The following H1-5 variants were observed in gnomAD, a reference collection of about 807,000 sequenced individuals.
H1-5 encodes the protein H1.5 linker histone, cluster member, also known as histone H1.5.
In H1-5, 3 loss-of-function variants were observed where a neutral mutation model predicts 4.6. The observed-to-expected ratio is 0.65, with a 90% CI of 0.30 to 1.68. H1-5 has a LOEUF of 1.68. H1-5 is among the 40% of genes most tolerant of loss of function. The pLI is 0.10. For synonymous variants in H1-5, 250 were observed against 123.4 expected (o/e 2.03, Z -6.80); for missense variants, 521 against 287.9 (o/e 1.81, Z -5.86).
Position 27,867,047 on chromosome 6 carries a change from C to T in H1-5, c.483G>A (p.Lys161=), listed in dbSNP as rs763089363. The T allele has an allele frequency of 1.2e-6, 2 of 1,613,884 alleles. No homozygotes were observed. The highest frequency in any genetic ancestry group is 1.7e-6 in the Non-Finnish European group (2 of 1,179,984). ...AVKKTPKKAK[K]PAAAGVKKVA... ...CCTTTTTGACGCCAGCCGCCGCGGGCTTCTTCGCCTTCTTCGGAGTCTTCT... is the reference window on the plus strand; with the variant it reads ...CCTTTTTGACGCCAGCCGCCGCGGGTTTCTTCGCCTTCTTCGGAGTCTTCT... Residue 161 remains lysine (K), a synonymous_variant, in exon 1 of 1, where the codon AAG becomes AAA. Transcript: ENST00000331442.
Position 27,866,996 on chromosome 6 carries a change from C to G in H1-5, c.534G>C (p.Lys178Asn). The G allele has an allele frequency of 6.2e-7, 1 of 1,614,214 alleles. No homozygotes were observed. The highest frequency in any genetic ancestry group is 8.5e-7 in the Non-Finnish European group (1 of 1,180,046). ...KKVAKSPKKAKAAAKPKKATK... is the reference protein window; with the variant it reads ...KKVAKSPKKANAAAKPKKATK... ...TTGCCTTTTTCGGTTTGGCAGCGGC[C>G]TTGGCCTTCTTAGGGCTCTTCGCCA... is the stretch of plus-strand genomic sequence containing the variant. Residue 178 changes from lysine (K) to asparagine (N), a missense_variant, in exon 1 of 1, where the codon AAG (lysine) becomes AAC (asparagine). Physicochemically the swap from Lys to Asn is moderately conservative, Grantham distance 94. Coordinates refer to ENST00000331442, the MANE Select transcript of H1-5 (RefSeq NM_005322.3).
rs535793643 is a variant in H1-5, at chr6:27,866,906, G to A, written c.624C>T (p.Pro208=). The change falls in exon 1 of 1, where the codon CCC becomes CCT. Residue 208 remains proline (P), a synonymous_variant. Coordinates refer to ENST00000331442, the MANE Select transcript of H1-5 (RefSeq NM_005322.3). ...TTGCAGCTTTAGGTTTTGCTGCTTT[G>A]GGCTTAGCGGCTTTGGGCTTTGCCG... ...PKAAKPKAAK[P]KAAKPKAAKA... is the part of the protein sequence containing the mutation. 6.2e-7 allele frequency: 1 copy of A among 1,612,460 alleles called. No homozygotes were observed. Among genetic ancestry groups the A allele is most frequent in the East Asian group, 2.2e-5 (1 of 44,864 alleles).
Position 27,866,908 on chromosome 6 carries a change from G to T in H1-5, c.622C>A (p.Pro208Thr). The change falls in exon 1 of 1, where the codon CCC becomes ACC. Residue 208 changes from proline (P) to threonine (T), a missense_variant. Transcript: ENST00000331442. ...GCAGCTTTAGGTTTTGCTGCTTTGG[G>T]CTTAGCGGCTTTGGGCTTTGCCGCC... ...PKAAKPKAAK[P>T]KAAKPKAAKA... 1 of 1,613,034 alleles carries T rather than the reference G, an allele frequency of 6.2e-7. No homozygotes were observed. Among genetic ancestry groups the T allele is most frequent in the African/African-American group, 1.3e-5 (1 of 74,862 alleles).
Position 27,866,873 on chromosome 6 carries a change from C to T in H1-5, c.657G>A (p.Lys219=), listed in dbSNP as rs776382299. 1.3e-6 allele frequency: 2 copies of T among 1,599,078 alleles called. No individual in the cohort carries two copies. The highest frequency in any genetic ancestry group is 1.7e-6 in the Non-Finnish European group (2 of 1,175,994). Residue 219 remains lysine (K), a synonymous_variant, in exon 1 of 1, where the codon AAG becomes AAA. Coordinates refer to ENST00000331442, the MANE Select transcript of H1-5 (RefSeq NM_005322.3). Reference sequence around the variant, plus strand: ...CCTACTTCTTTTTGGCAGCCGCCTTCTTGGCCTTTGCAGCTTTAGGTTTTG... The same window carrying T: ...CCTACTTCTTTTTGGCAGCCGCCTTTTTGGCCTTTGCAGCTTTAGGTTTTG... ...KAAKPKAAKA[K]KAAAKKK
Position 27,867,443 on chromosome 6 carries a change from G to T in H1-5, c.87C>A (p.Ala29=). The change falls in exon 1 of 1, where the codon GCC becomes GCA. Residue 29 remains alanine, a synonymous_variant. Transcript: ENST00000331442. ...PAKKKATKKA[A]GAGAAKRKAT... ...CTTTGCGCTTAGCAGCGCCGGCGCC[G>T]GCAGCCTTCTTAGTTGCCTTCTTCT... 6.2e-7 allele frequency: 1 copy of T among 1,609,294 alleles called. No individual in the cohort carries two copies. Among genetic ancestry groups the T allele is most frequent in the Non-Finnish European group, 8.5e-7 (1 of 1,177,904 alleles).
At position 27,867,315 on chromosome 6, in the gene H1-5, C is replaced by A; in HGVS notation, c.215G>T (p.Gly72Val). The change falls in exon 1 of 1, where the codon GGT becomes GTT. Residue 72 changes from glycine (G) to valine (V), a missense_variant. Coordinates refer to ENST00000331442, the MANE Select transcript of H1-5 (RefSeq NM_005322.3). ...GTTATTCTTCTCCACGTCGTAGCCA[C>A]CGGCCGCTAAGGCCTTCTTAAGGGC... ...LAALKKALAA[G>V]GYDVEKNNSR... 6.2e-7 allele frequency: 1 copy of A among 1,614,262 alleles called. No individual in the cohort carries two copies. The highest frequency in any genetic ancestry group is 8.5e-7 in the Non-Finnish European group (1 of 1,180,056).
In H1-5 at chr6:27,867,546, T is replaced by C. The variant is rs776951241; in HGVS notation, c.-17A>G. 3 of 1,527,696 alleles carry C rather than the reference T, an allele frequency of 2.0e-6. No homozygotes were observed. Among genetic ancestry groups the C allele is most frequent in the African/African-American group, 1.4e-5 (1 of 71,802 alleles). The allele number at this position is 1,527,696 out of a possible 1,614,324, so 94.6% of individuals were successfully genotyped here. On this transcript the variant is annotated 5_prime_UTR_variant, in exon 1 of 1. Transcript: ENST00000331442. ...TTCCGACATGGTGGCAAGAAACTGC[T>C]AGAAGAGAATAAGCTCGAAATCTAA...
chr6:27,866,883 G>A lies in H1-5; in HGVS notation c.647C>T (p.Ala216Val), dbSNP rs557184683. ...AKPKAAKPKA[A>V]KAKKAAAKKK ...TTTGGCAGCCGCCTTCTTGGCCTTT[G>A]CAGCTTTAGGTTTTGCTGCTTTGGG... Residue 216 changes from alanine to valine, a missense_variant, in exon 1 of 1, where the codon GCA (alanine) becomes GTA (valine). Coordinates refer to ENST00000331442, the MANE Select transcript of H1-5 (RefSeq NM_005322.3). The A allele has an allele frequency of 1.2e-6, 2 of 1,600,934 alleles. No individual in the cohort carries two copies. The highest frequency in any genetic ancestry group is 8.5e-7 in the Non-Finnish European group (1 of 1,176,532).
At position 27,867,121 on chromosome 6, in the gene H1-5, C is replaced by T. The variant is rs773541479; in HGVS notation, c.409G>A (p.Ala137Thr). Residue 137 changes from alanine to threonine, a missense_variant, in exon 1 of 1, where the codon GCC becomes ACC. By Grantham distance (58) the Ala-to-Thr change is moderately conservative. Coordinates refer to ENST00000331442, the MANE Select transcript of H1-5 (RefSeq NM_005322.3). ...GCCTTCTTGGCCTTCTTAGGCGTGG[C>T]CCCCGCGGGCTTCTTAGCTTTAGCG... ...GAAKAKKPAG[A>T]TPKKAKKAAG... 4.1e-5 allele frequency: 66 copies of T among 1,613,894 alleles called. No homozygotes were observed. Among genetic ancestry groups the T allele is most frequent in the South Asian group, 7.7e-5 (7 of 91,084 alleles).
Position 27,867,565 on chromosome 6 carries a change from A to T in H1-5, c.-36T>A. ...AACTGCTAGAAGAGAATAAGCTCGAAATCTAAAGAGCAGGTTTTGCGTTGC... is the reference window on the plus strand; with the variant it reads ...AACTGCTAGAAGAGAATAAGCTCGATATCTAAAGAGCAGGTTTTGCGTTGC... On this transcript the variant is annotated 5_prime_UTR_variant, in exon 1 of 1. Transcript: ENST00000331442. 6.6e-7 allele frequency: 1 copy of T among 1,512,430 alleles called. No individual in the cohort carries two copies. The highest frequency in any genetic ancestry group is 8.8e-7 in the Non-Finnish European group (1 of 1,131,620). The allele number at this position is 1,512,430 out of a possible 1,614,324, so 93.7% of individuals were successfully genotyped here.
chr6:27,866,972 T>C lies in H1-5; in HGVS notation c.558A>G (p.Ala186=). The C allele has an allele frequency of 6.2e-7, 1 of 1,614,244 alleles. No homozygotes were observed. Among genetic ancestry groups the C allele is most frequent in the Non-Finnish European group, 8.5e-7 (1 of 1,180,044 alleles). ...KAKAAAKPKK[A]TKSPAKPKAV... ...CCTTGGGCTTGGCAGGACTCTTGGT[T>C]GCCTTTTTCGGTTTGGCAGCGGCCT... is the stretch of plus-strand genomic sequence containing the variant. Residue 186 remains alanine, a synonymous_variant, in exon 1 of 1, where the codon GCA becomes GCG. Coordinates refer to ENST00000331442, the MANE Select transcript of H1-5 (RefSeq NM_005322.3).
rs776470457 is a variant in H1-5 at position 27,867,071 on chromosome 6, C to A, written c.459G>T (p.Lys153Asn). The part of the protein sequence containing the change: ...KKAAGAKKAV[K>N]KTPKKAKKPA... ...GCTTCTTCGCCTTCTTCGGAGTCTT[C>A]TTCACTGCCTTTTTCGCCCCTGCAG... Residue 153 changes from lysine to asparagine, a missense_variant, in exon 1 of 1, where the codon AAG becomes AAT. Lys to Asn is a moderately conservative substitution (Grantham distance 94, BLOSUM62 0). Transcript: ENST00000331442. The A allele has an allele frequency of 2.0e-5, 32 of 1,613,848 alleles. No individual in the cohort carries two copies. Among genetic ancestry groups the A allele is most frequent in the East Asian group, 4.5e-5 (2 of 44,864 alleles).
chr6:27,867,314 A>AC lies in H1-5; in HGVS notation c.215dup (p.Gly73TrpfsTer8), dbSNP rs1386433631. 1 of 1,614,128 alleles carries AC rather than the reference A, an allele frequency of 6.2e-7. No homozygotes were observed. The highest frequency in any genetic ancestry group is 1.3e-5 in the African/African-American group (1 of 74,958). On this transcript the variant is annotated frameshift_variant, in exon 1 of 1. Transcript: ENST00000331442. LOFTEE classifies it high-confidence loss of function. ...TGTTATTCTTCTCCACGTCGTAGCC[A>AC]CCGGCCGCTAAGGCCTTCTTAAGGG...
At position 27,866,968 on chromosome 6, in the gene H1-5, T is replaced by G. The variant is rs745570564; in HGVS notation, c.562A>C (p.Lys188Gln). 1 of 1,614,218 alleles carries G rather than the reference T, an allele frequency of 6.2e-7. No homozygotes were observed. Residue 188 changes from lysine to glutamine, a missense_variant, in exon 1 of 1, where the codon AAG becomes CAG. Lys to Gln is a moderately conservative substitution (Grantham distance 53). Coordinates refer to ENST00000331442, the MANE Select transcript of H1-5 (RefSeq NM_005322.3). The stretch of plus-strand genomic sequence containing the variant: ...ACTGCCTTGGGCTTGGCAGGACTCT[T>G]GGTTGCCTTTTTCGGTTTGGCAGCG... ...KAAAKPKKAT[K>Q]SPAKPKAVKP...
Position 27,867,516 on chromosome 6 carries a change from G to A in H1-5, c.14C>T (p.Ala5Val), listed in dbSNP as rs776667577. The change falls in exon 1 of 1, where the codon GCT (alanine) becomes GTT (valine). Residue 5 changes from alanine (A) to valine (V), a missense_variant. By Grantham distance (64) the Ala-to-Val change is moderately conservative. Transcript: ENST00000331442. ...CGCTGGGGTGGCTGTCTCGGCAGGA[G>A]CGGTTTCCGACATGGTGGCAAGAAA... MSETAPAETATPAPV... is the reference protein window; with the variant it reads MSETVPAETATPAPV... The A allele has an allele frequency of 7.8e-6, 12 of 1,548,122 alleles. No homozygotes were observed. Among genetic ancestry groups the A allele is most frequent in the African/African-American group, 1.4e-5 (1 of 72,138 alleles).
chr6:27,866,808 G>GAGCCTTTGGGGC lies in H1-5; in HGVS notation c.*29_*40dup. The GAGCCTTTGGGGC allele has an allele frequency of 1.9e-5, 28 of 1,512,242 alleles. No individual in the cohort carries two copies. Among genetic ancestry groups the GAGCCTTTGGGGC allele is most frequent in the Non-Finnish European group, 2.5e-5 (28 of 1,128,722 alleles). 93.7% of individuals were successfully genotyped at this position (1,512,242 alleles called of 1,614,324 possible). On this transcript the variant is annotated 3_prime_UTR_variant, in exon 1 of 1. Coordinates refer to ENST00000331442, the MANE Select transcript of H1-5 (RefSeq NM_005322.3). The stretch of plus-strand genomic sequence containing the variant: ...AGAGGTCTCTGGGTGGCTCTGAAAA[G>GAGCCTTTGGGGC]AGCCTTTGGGGCTTTGTTGCGGTTT...
Position 27,867,290 on chromosome 6 carries a change from G to C in H1-5, c.240C>G (p.Asn80Lys), listed in dbSNP as rs1367159379. ...TCTTGAGGCCCAGCTTAATGCGGCT[G>C]TTATTCTTCTCCACGTCGTAGCCAC... Reference protein sequence around the residue: ...AAGGYDVEKNNSRIKLGLKSL... With the variant: ...AAGGYDVEKNKSRIKLGLKSL... The change falls in exon 1 of 1, where the codon AAC (asparagine) becomes AAG (lysine). Residue 80 changes from asparagine (N) to lysine (K), a missense_variant. Transcript: ENST00000331442. The C allele has an allele frequency of 6.2e-7, 1 of 1,614,134 alleles. No homozygotes were observed. The highest frequency in any genetic ancestry group is 8.5e-7 in the Non-Finnish European group (1 of 1,180,056).
In H1-5 at chr6:27,867,549, A is replaced by T. The variant is rs775718312; in HGVS notation, c.-20T>A. ...CGACATGGTGGCAAGAAACTGCTAG[A>T]AGAGAATAAGCTCGAAATCTAAAGA... On this transcript the variant is annotated 5_prime_UTR_variant, in exon 1 of 1. Coordinates refer to ENST00000331442, the MANE Select transcript of H1-5 (RefSeq NM_005322.3). 1.2e-5 allele frequency: 19 copies of T among 1,527,088 alleles called. No individual in the cohort carries two copies. Among genetic ancestry groups the T allele is most frequent in the Non-Finnish European group, 1.7e-5 (19 of 1,142,588 alleles). 94.6% of individuals were successfully genotyped at this position (1,527,088 alleles called of 1,614,324 possible).
chr6:27,867,398 T>A lies in H1-5; in HGVS notation c.132A>T (p.Ser44=). 6.2e-7 allele frequency: 1 copy of A among 1,614,184 alleles called. No individual in the cohort carries two copies. The highest frequency in any genetic ancestry group is 8.5e-7 in the Non-Finnish European group (1 of 1,179,994). The change falls in exon 1 of 1, where the codon TCA becomes TCT. Residue 44 remains serine (S), a synonymous_variant. Coordinates refer to ENST00000331442, the MANE Select transcript of H1-5 (RefSeq NM_005322.3). ...CAGCCACAGCCTTGGTGATCAGCTC[T>A]GAGACTGGGGGCCCCGTCGCTTTGC... is the stretch of plus-strand genomic sequence containing the variant. ...AKRKATGPPV[S]ELITKAVAAS...
Sources: gnomAD v4.1 joint callset for allele counts on GRCh38, gnomAD v4.1.1 for gene constraint, MANE v1.5 for transcripts, NCBI Gene and HGNC (gene_info 2026-07-23, HGNC 2026-07-21) for gene names.